The following TBC1D5 variants were observed in gnomAD, a reference collection of about 807,000 sequenced individuals.
The protein encoded by TBC1D5 is TBC1 domain family member 5, also known as TBC1 domain family, member 5.
A neutral mutation model predicts 100.3 loss-of-function variants in TBC1D5; 75 were observed. The observed-to-expected ratio is 0.75, with a 90% CI of 0.62 to 0.91. The LOEUF (loss-of-function observed/expected upper bound fraction) is 0.91. TBC1D5 is among the 40% of genes least tolerant of loss of function. TBC1D5 has a pLI of 0.00. For synonymous variants in TBC1D5, 323 were observed against 325.6 expected (o/e 0.99, Z 0.09); for missense variants, 910 against 942.4 (o/e 0.97, Z 0.45).
Position 17,669,979 on chromosome 3 carries a change from G to A in TBC1D5, c.-100-46066C>T, listed in dbSNP as rs568399927. Reference sequence around the variant, plus strand: ...CGGCTCACTGCAACCTCCGCCTCCCGGGTTCAAGAGATTCTCCTGCCTCAG... The same window carrying A: ...CGGCTCACTGCAACCTCCGCCTCCCAGGTTCAAGAGATTCTCCTGCCTCAG... On this transcript the variant is annotated intron_variant, in intron 1 of 21. Coordinates refer to ENST00000253692, the Ensembl canonical transcript of TBC1D5. Among the ~76,000 whole-genome samples the A allele has an allele frequency of 1.1e-3, 175 of 152,230 alleles. 3 individuals carry two copies. Among genetic ancestry groups the A allele is most frequent in the African/African-American group, 3.8e-3 (159 of 41,532 alleles).
intron 18 of TBC1D5, among the ~76,000 whole-genome samples, chr3:17,209,616 C>G (rs1404294476): frequency 6.6e-6 from 1 of 152,208 alleles, no homozygotes; most frequent in Non-Finnish European, 1.5e-5. Context: ...GATTCATATT[C>G]AACAGGCTTA....
At chr3:17,253,617 T>G (rs1448280499) in intron 16 of TBC1D5, among the ~76,000 whole-genome samples, 1 of 152,204 alleles carries the variant, frequency 6.6e-6, no homozygotes, top group East Asian at 1.9e-4. Flanking sequence ...TACTCCCAAA[T>G]TCGCTCATGT....
intron 18 of TBC1D5, among the ~76,000 whole-genome samples, chr3:17,206,309 A>G (rs1272746545): frequency 6.6e-6 from 1 of 152,166 alleles, no homozygotes; most frequent in Admixed American, 6.5e-5. Context: ...ATTTTAATTT[A>G]GTTTAATTAC....
At chr3:17,299,160 A>G (rs1254070207) in intron 14 of TBC1D5, among the ~76,000 whole-genome samples, 1 of 152,198 alleles carries the variant, frequency 6.6e-6, no homozygotes, top group Non-Finnish European at 1.5e-5. Flanking sequence ...TGATACCAAC[A>G]ACAGTTGCTT....
chr3:17,674,601 T>C (rs1371728260), intron 1 of TBC1D5, among the ~76,000 whole-genome samples: 1 of 152,188 alleles, frequency 6.6e-6, no homozygotes, highest in Non-Finnish European at 1.5e-5. Context: ...TATGAAGCAA[T>C]CACATCTGTT....
At chr3:17,427,960 G>T (rs1040413132) in intron 4 of TBC1D5, among the ~76,000 whole-genome samples, 1 of 151,724 alleles carries the variant, frequency 6.6e-6, no homozygotes, top group African/African-American at 2.4e-5. Context: ...TACTAATTGA[G>T]AAGTAATAGC....
At chr3:17,619,723 GTACAGATA>G (rs1308152106) in intron 2 of TBC1D5, among the ~76,000 whole-genome samples, 1 of 152,102 alleles carries the variant, frequency 6.6e-6, no homozygotes, top group African/African-American at 2.4e-5. Context: ...TAGAACTAAA[GTACAGATA>G]TAAAATTTCG....
intron 14 of TBC1D5, among the ~76,000 whole-genome samples, chr3:17,306,499 TAA>T (rs2150509194): frequency 6.6e-6 from 1 of 152,306 alleles, no homozygotes; most frequent in East Asian, 1.9e-4. Context: ...CTACATTTTA[TAA>T]AGTCATCAGT....
At chr3:17,208,013 T>G (rs2072456634) in intron 18 of TBC1D5, among the ~76,000 whole-genome samples, 1 of 152,206 alleles carries the variant, frequency 6.6e-6, no homozygotes, top group East Asian at 1.9e-4. Flanking sequence ...CACTGGTTTG[T>G]GTAAGAAATT....
chr3:17,706,526 T>A (rs932940211), intron 1 of TBC1D5, among the ~76,000 whole-genome samples: 2 of 152,204 alleles, frequency 1.3e-5, no homozygotes, highest in African/African-American at 4.8e-5. Flanking sequence ...TCATGTACTG[T>A]ATTATAGAAG....
intron 19 of TBC1D5, among the ~76,000 whole-genome samples, chr3:17,181,601 CT>C (rs2068461271): frequency 6.6e-6 from 1 of 152,188 alleles, no homozygotes; most frequent in Non-Finnish European, 1.5e-5. Flanking sequence ...ATGAGGTTGT[CT>C]GTTTCTCAGA....
intron 13 of TBC1D5, among the ~76,000 whole-genome samples, chr3:17,317,893 T>C (rs945278501): frequency 4.6e-5 from 7 of 152,026 alleles, no homozygotes; most frequent in Non-Finnish European, 7.4e-5. Flanking sequence ...ACCCAAAGGA[T>C]TATAAATCAT....
At chr3:17,172,925 A>G (rs2067311489) in intron 19 of TBC1D5, among the ~76,000 whole-genome samples, 1 of 152,136 alleles carries the variant, frequency 6.6e-6, no homozygotes, top group South Asian at 2.1e-4. Flanking sequence ...GCTTTAACAG[A>G]GGTGGAACTG....
intron 3 of TBC1D5, among the ~76,000 whole-genome samples, chr3:17,480,232 C>T (rs931060552): frequency 7.1e-6 from 1 of 141,058 alleles, no homozygotes; most frequent in Non-Finnish European, 1.5e-5. Flanking sequence ...TCAGCATGTG[C>T]CTGCAAGCAC....
intron 14 of TBC1D5, among the ~76,000 whole-genome samples, chr3:17,300,891 G>A (rs186520914): frequency 6.6e-6 from 1 of 152,162 alleles, no homozygotes; most frequent in Admixed American, 6.5e-5. Flanking sequence ...AGCCAACATG[G>A]TGAAACCCCG....
At chr3:17,168,230 C>T (rs1280000633) in intron 19 of TBC1D5, among the ~76,000 whole-genome samples, 2 of 152,136 alleles carry the variant, frequency 1.3e-5, no homozygotes, top group East Asian at 3.8e-4. Context: ...CTCTAAAGAC[C>T]GATTCCTTCC....
intron 3 of TBC1D5, among the ~76,000 whole-genome samples, chr3:17,467,847 A>C (rs1302404034): frequency 1.3e-5 from 2 of 152,184 alleles, no homozygotes; most frequent in African/African-American, 2.4e-5. Flanking sequence ...CAATGAGCCG[A>C]GATCATGACA....
chr3:17,427,593 A>G (rs966144549), intron 4 of TBC1D5, among the ~76,000 whole-genome samples: 5 of 151,988 alleles, frequency 3.3e-5, no homozygotes, highest in African/African-American at 4.8e-5. Flanking sequence ...GTTCTTGCAT[A>G]TATTTTATAG....
intron 9 of TBC1D5, among the ~76,000 whole-genome samples, chr3:17,377,556 A>T (rs574938241): frequency 9.2e-5 from 14 of 152,158 alleles, no homozygotes; most frequent in Non-Finnish European, 1.8e-4. Context: ...TTTTATAAAA[A>T]GACAAGACAA....
Sources: allele counts gnomAD v4.1 joint callset (sites outside exome capture counted in the v4.1 genomes callset), GRCh38; gene constraint gnomAD v4.1.1; transcripts MANE v1.5; gene names NCBI Gene and HGNC (gene_info 2026-07-23, HGNC 2026-07-21).